Variants in CNOT1 observed in about 807,000 individuals in gnomAD.
CNOT1 encodes the protein CCR4-NOT transcription complex subunit 1.
In CNOT1, 15 loss-of-function variants were observed where a neutral mutation model predicts 273.8. The ratio of observed to expected loss-of-function variants is 0.05; its 90% CI spans 0.04 to 0.08. The LOEUF is 0.08. CNOT1 is among the 10% of genes least tolerant of loss of function. The probability of loss-of-function intolerance (pLI) is 1.00; values close to 1 mark genes in which losing one functional copy is unlikely to be tolerated. For synonymous variants in CNOT1, 1,022 were observed against 1,005.5 expected (o/e 1.02, Z -0.31); for missense variants, 1,644 against 2,912.2 (o/e 0.56, Z 10.02).
In CNOT1 at chr16:58,521,284, T is replaced by C. The variant is rs779066631; in HGVS notation, c.6951A>G (p.Pro2317=). 1.9e-6 allele frequency: 3 copies of C among 1,613,392 alleles called. No individual in the cohort carries two copies. In the South Asian group the frequency reaches 3.3e-5, roughly 18 times the overall value. ...VLLERLIVNR[P]HPWGLLITFI... is the part of the protein sequence containing the mutation. ...AGGTAATAAGAAGACCCCAAGGATG[T>C]GGCCTATTTACAATCAACCGTTCCA... Residue 2317 remains proline (P), a synonymous_variant, in exon 48 of 49, where the codon CCA becomes CCG. Transcript: ENST00000317147.
intron 31 of CNOT1, 108 bp downstream of exon 31, chr16:58,543,499 A>G (rs1354839074): frequency 3.9e-6 from 6 of 1,551,050 alleles, no homozygotes; most frequent in Non-Finnish European, 5.2e-6. Flanking sequence ...TATGGTGATT[A>G]TTAAGAATAA....
chr16:58,546,015 G>A (rs2040247927), intron 29 of CNOT1, among the ~76,000 whole-genome samples: 1 of 152,140 alleles, frequency 6.6e-6, no homozygotes, highest in Non-Finnish European at 1.5e-5. Flanking sequence ...GGCCATCATA[G>A]TATGCAGTTA....
chr16:58,532,406 C>T lies in CNOT1; in HGVS notation c.5896-11G>A, dbSNP rs1567388998. 6.2e-7 allele frequency: 1 copy of T among 1,608,846 alleles called. No homozygotes were observed. Among genetic ancestry groups the T allele is most frequent in the Admixed American group, 1.7e-5 (1 of 59,802 alleles). Reference sequence around the variant, plus strand: ...TACTATACCAAGGACCTACGTAAAACACAAATCAGAGCTTGTAAATCATTC... The same window carrying T: ...TACTATACCAAGGACCTACGTAAAATACAAATCAGAGCTTGTAAATCATTC... On this transcript the variant is annotated splice_polypyrimidine_tract_variant and intron_variant, in intron 40 of 48. Transcript: ENST00000317147.
rs1293917622 is a variant in CNOT1 at position 58,532,223 on chromosome 16, A to G, written c.6059+9T>C. The G allele has an allele frequency of 6.2e-7, 1 of 1,613,034 alleles. No homozygotes were observed. ...AACCTTAACACAAAATCGCAAACAC[A>G]ATACTCACCAGAAAGCTGTAAGTGT... is the stretch of plus-strand genomic sequence containing the variant. On this transcript the variant is annotated intron_variant, in intron 41 of 48. Coordinates refer to ENST00000317147, the MANE Select transcript of CNOT1 (RefSeq NM_016284.5).
intron 1 of CNOT1, among the ~76,000 whole-genome samples, chr16:58,612,530 G>A (rs945626810): frequency 1.3e-5 from 2 of 152,086 alleles, no homozygotes; most frequent in African/African-American, 4.8e-5. Flanking sequence ...CCTGAGGTCA[G>A]GAGTTCAAGA....
intron 13 of CNOT1, 145 bp downstream of exon 13, chr16:58,578,554 A>C: frequency 7.4e-7 from 1 of 1,349,674 alleles, no homozygotes; most frequent in Non-Finnish European, 9.5e-7. Flanking sequence ...TCTAAAAGAT[A>C]AAACAAGTTT....
chr16:58,549,762 T>A lies in CNOT1; in HGVS notation c.3479A>T (p.Glu1160Val). The change falls in exon 25 of 49, where the codon GAA becomes GTA. Residue 1160 changes from glutamate (E) to valine (V), a missense_variant. Glu to Val is a moderately radical substitution (Grantham distance 121, BLOSUM62 -2). Around this residue, in one of 13 missense-constraint regions of CNOT1, gnomAD observed 124 missense variants for 289.3 expected, o/e 0.43. Transcript: ENST00000317147. Reference protein sequence around the residue: ...SNFLDTLKNPEFNKMVLNETY... With the variant: ...SNFLDTLKNPVFNKMVLNETY... ...CTCATTCAGAACCATCTTGTTAAATTCAGGATTCTTCAGCGTGTCAAGGAA... is the reference window on the plus strand; with the variant it reads ...CTCATTCAGAACCATCTTGTTAAATACAGGATTCTTCAGCGTGTCAAGGAA... 1 of 1,613,622 alleles carries A rather than the reference T, an allele frequency of 6.2e-7. No homozygotes were observed. The highest frequency in any genetic ancestry group is 1.1e-5 in the South Asian group (1 of 90,944).
At chr16:58,583,956 C>CAGGAGATCAGG (rs200269104) in intron 8 of CNOT1, among the ~76,000 whole-genome samples, 6,675 of 151,674 alleles carry the variant, frequency 0.044, 472 homozygotes, top group African/African-American at 0.15. Context: ...ATCACGAGGT[C>CAGGAGATCAGG]AGGAGATCAA....
chr16:58,617,721 T>C (rs1452274990), intron 1 of CNOT1, among the ~76,000 whole-genome samples: 2 of 152,104 alleles, frequency 1.3e-5, no homozygotes, highest in Non-Finnish European at 2.9e-5. Context: ...CAAAATTAAC[T>C]TTTGGCTGGT....
intron 1 of CNOT1, among the ~76,000 whole-genome samples, chr16:58,628,226 C>T (rs538040017): frequency 1.3e-5 from 2 of 152,318 alleles, no homozygotes; most frequent in South Asian, 4.1e-4. Flanking sequence ...TCATTTCAGT[C>T]AAAGCACAGC....
Position 58,609,735 on chromosome 16 carries a change from T to C in CNOT1, c.-174-10224A>G, listed in dbSNP as rs552265519. ...ACCTCAGCCACCCAAGGTGTTGGGA[T>C]TATAGCCATGAACTATGTGGCCAGA... On this transcript the variant is annotated intron_variant, in intron 1 of 48. Transcript: ENST00000317147. Among the ~76,000 whole-genome samples the C allele has an allele frequency of 2.9e-4, 44 of 152,198 alleles. 1 individual carries two copies. Among genetic ancestry groups the C allele is most frequent in the African/African-American group, 9.4e-4 (39 of 41,546 alleles).
At chr16:58,564,296 C>T (rs1018846999) in intron 16 of CNOT1, among the ~76,000 whole-genome samples, 2 of 151,998 alleles carry the variant, frequency 1.3e-5, no homozygotes, top group Non-Finnish European at 2.9e-5. Flanking sequence ...TTTAAAACCA[C>T]ACCTATATTT....
intron 47 of CNOT1, among the ~76,000 whole-genome samples, chr16:58,522,634 T>C (rs1007122798): frequency 3.9e-5 from 6 of 152,210 alleles, no homozygotes; most frequent in Non-Finnish European, 7.3e-5. Flanking sequence ...CTAACTATTG[T>C]TAGGAAAATG....
intron 25 of CNOT1, chr16:58,548,508 T>C (rs749551886): frequency 1.2e-5 from 6 of 518,288 alleles, no homozygotes; most frequent in Admixed American, 3.9e-5. Flanking sequence ...GCCATGTTCC[T>C]TAACTCTATA....
At chr16:58,521,111 C>A (rs1446486238) in intron 48 of CNOT1, 72 bp downstream of exon 48, 24 of 1,613,188 alleles carry the variant, frequency 1.5e-5, no homozygotes, top group Non-Finnish European at 2.0e-5. Flanking sequence ...ATTCAGCTGA[C>A]CCAACCTAGA....
intron 47 of CNOT1, among the ~76,000 whole-genome samples, chr16:58,522,577 A>C (rs2039440430): frequency 6.6e-6 from 1 of 152,128 alleles, no homozygotes; most frequent in Admixed American, 6.5e-5. Flanking sequence ...TGTGTATCAC[A>C]ATCTCTCTAA....
At chr16:58,557,778 C>A (rs1012461665) in intron 18 of CNOT1, among the ~76,000 whole-genome samples, 34 of 152,088 alleles carry the variant, frequency 2.2e-4, no homozygotes, top group African/African-American at 8.2e-4. Flanking sequence ...CACCTGAGGT[C>A]GGGAATTCGA....
rs41260 is a variant in CNOT1, at chr16:58,543,517, C to T, written c.4434+90G>A. On this transcript the variant is annotated intron_variant, in intron 31 of 48. Transcript: ENST00000317147. ...GGTGATTATTAAGAATAAGTGGTAACGCCCAGTGCCATATATAGACAAAGA... is the reference window on the plus strand; with the variant it reads ...GGTGATTATTAAGAATAAGTGGTAATGCCCAGTGCCATATATAGACAAAGA... 932,392 of 1,579,568 alleles carry T rather than the reference C, an allele frequency of 0.59. 285,349 individuals are homozygous for T. The highest frequency in any genetic ancestry group is 0.97 in the East Asian group (42,424 of 43,614).
chr16:58,572,046 C>A (rs543118600), intron 16 of CNOT1, among the ~76,000 whole-genome samples: 2 of 151,584 alleles, frequency 1.3e-5, no homozygotes, highest in African/African-American at 4.9e-5. Context: ...CACTTTGGGA[C>A]GCCAAGGCGG....
Sources: allele counts gnomAD v4.1 joint callset (sites outside exome capture counted in the v4.1 genomes callset), GRCh38; gene constraint gnomAD v4.1.1; regional missense constraint gnomAD v4.1.1; transcripts MANE v1.5; gene names NCBI Gene and HGNC (gene_info 2026-07-23, HGNC 2026-07-21).